VPS35L: variants seen among roughly 807,000 people sequenced by gnomAD.
VPS35L encodes the protein VPS35 endosomal protein-sorting factor-like.
In VPS35L, 83 loss-of-function variants were observed where a neutral mutation model predicts 133.0. The observed-to-expected ratio is 0.62, with a 90% CI of 0.52 to 0.75. VPS35L has a LOEUF of 0.75. Ranked by LOEUF, VPS35L falls within the 30% of genes least tolerant of loss-of-function variation. The probability of loss-of-function intolerance (pLI) is 0.00; values close to 1 mark genes in which losing one functional copy is unlikely to be tolerated. For missense variants in VPS35L, 1,083 were observed against 1,206.8 expected (o/e 0.90, Z 1.52); for synonymous variants, 423 against 449.9 (o/e 0.94, Z 0.76).
chr16:19,692,821 C>T (rs1444526245), intron 29 of VPS35L, among the ~76,000 whole-genome samples: 1 of 152,184 alleles, frequency 6.6e-6, no homozygotes, highest in African/African-American at 2.4e-5. Context: ...CCTCAGCCTC[C>T]CAAAGTGCTG....
In VPS35L at chr16:19,623,758, C is replaced by CTTAT. The variant is rs1216184584; in HGVS notation, c.1225-2409_1225-2406dup. On this transcript the variant is annotated intron_variant, in intron 14 of 30. Transcript: ENST00000417362. ...TTTTTTCTTTATTTTTTACTTTTTA[C>CTTAT]TTATTTATTTATTATTATTATTATT... 2.7e-3 allele frequency among the ~76,000 whole-genome samples: 384 copies of CTTAT among 140,226 alleles called. 1 individual carries two copies. The highest frequency in any genetic ancestry group is 4.9e-3 in the Non-Finnish European group (321 of 65,710). 92.0% of individuals were successfully genotyped at this position (140,226 alleles called of 152,430 possible). A position where few individuals can be genotyped will look rare whatever the true frequency, so the allele number is the denominator to read the frequency against.
intron 1 of VPS35L, 143 bp downstream of exon 1, chr16:19,555,889 C>A (rs2285663): frequency 0.099 from 122,042 of 1,230,800 alleles, 10,287 homozygotes; most frequent in East Asian, 0.38. Flanking sequence ...ACCGTAGAAT[C>A]CCTGGCCGCT....
intron 15 of VPS35L, among the ~76,000 whole-genome samples, chr16:19,627,296 A>G (rs983502299): frequency 1.2e-4 from 18 of 151,974 alleles, no homozygotes; most frequent in African/African-American, 3.4e-4. Context: ...AAAAAAAACA[A>G]AAAAACCAAA....
At position 19,671,418 on chromosome 16, in the gene VPS35L, G is replaced by A. The variant is rs955258847; in HGVS notation, c.2361+2119G>A. On this transcript the variant is annotated intron_variant, in intron 27 of 30. Transcript: ENST00000417362. The stretch of plus-strand genomic sequence containing the variant: ...CAGGAGGCGGAGGTTGCAGTGAGCC[G>A]AGATTGCACCACCGCACTCCAGCCT... Among the ~76,000 whole-genome samples the A allele has an allele frequency of 5.4e-5, 8 of 148,882 alleles. No homozygotes were observed. The South Asian group carries it at 8.5e-4, about 16-fold the overall frequency.
chr16:19,603,288 T>TTGTCCAGTACAGCAGCCAC (rs1158129740), intron 9 of VPS35L, among the ~76,000 whole-genome samples: 8 of 151,788 alleles, frequency 5.3e-5, no homozygotes, highest in South Asian at 2.1e-4. Context: ...TGCATCTACA[T>TTGTCCAGTACAGCAGCCAC]TGTCCAGTAC....
At chr16:19,610,033 A>G (rs1319148950) in intron 11 of VPS35L, among the ~76,000 whole-genome samples, 2 of 152,172 alleles carry the variant, frequency 1.3e-5, no homozygotes. Context: ...AAAACTGTTA[A>G]AATTAATAAA....
intron 14 of VPS35L, among the ~76,000 whole-genome samples, chr16:19,624,903 C>G (rs1973213189): frequency 6.6e-6 from 1 of 152,224 alleles, no homozygotes; most frequent in Non-Finnish European, 1.5e-5. Flanking sequence ...AGCCCGAAAC[C>G]TGGGCAGTGC....
At chr16:19,667,494 G>A (rs1257286432) in intron 26 of VPS35L, among the ~76,000 whole-genome samples, 2 of 152,252 alleles carry the variant, frequency 1.3e-5, no homozygotes, top group East Asian at 3.9e-4. Context: ...AGAACTTTAG[G>A]AGGCCGAGTC....
At chr16:19,560,115 T>TA (rs1372834130) in intron 1 of VPS35L, among the ~76,000 whole-genome samples, 1 of 152,236 alleles carries the variant, frequency 6.6e-6, no homozygotes, top group Non-Finnish European at 1.5e-5. Flanking sequence ...CAACATGACT[T>TA]ATAGATAATC....
rs111325158 is a variant in VPS35L, at chr16:19,608,615, G to A, written c.881+341G>A. The A allele has an allele frequency of 5.8e-4, 223 of 386,734 alleles. 2 individuals carry two copies. Among genetic ancestry groups the A allele is most frequent in the African/African-American group, 4.0e-3 (200 of 49,468 alleles). The allele number at this position is 386,734 out of a possible 1,614,324, so 24.0% of individuals were successfully genotyped here. Reference sequence around the variant, plus strand: ...GAAAGAACAGGGTCAAGCTTTGCAGGGCAAATGCTACTATTGAAGAACAGA... The same window carrying A: ...GAAAGAACAGGGTCAAGCTTTGCAGAGCAAATGCTACTATTGAAGAACAGA... On this transcript the variant is annotated intron_variant, in intron 10 of 30. Transcript: ENST00000417362.
At chr16:19,629,634 G>T in intron 17 of VPS35L, 133 bp from the exon 18 acceptor site, 2 of 658,430 alleles carry the variant, frequency 3.0e-6, no homozygotes, top group Non-Finnish European at 5.3e-6. Context: ...TAAAAGATCA[G>T]CCTTTAAGCC....
chr16:19,673,564 C>G (rs113738360), intron 27 of VPS35L, among the ~76,000 whole-genome samples: 1,780 of 95,704 alleles, frequency 0.019, 32 homozygotes, highest in African/African-American at 0.05. Flanking sequence ...ATTCCTTGAA[C>G]AGATTTATTA....
chr16:19,656,253 G>A (rs1241334032), intron 26 of VPS35L, among the ~76,000 whole-genome samples: 2 of 128,632 alleles, frequency 1.6e-5, no homozygotes, highest in Admixed American at 1.7e-4. Context: ...AACAAAGCGA[G>A]ACTCTGTCTC....
intron 26 of VPS35L, among the ~76,000 whole-genome samples, chr16:19,660,424 G>T (rs1974446270): frequency 6.6e-6 from 1 of 152,162 alleles, no homozygotes; most frequent in Admixed American, 6.6e-5. Context: ...AGTTACCTAG[G>T]AGGGTAGTTG....
chr16:19,567,736 A>G (rs1971231696), intron 2 of VPS35L, among the ~76,000 whole-genome samples: 1 of 152,136 alleles, frequency 6.6e-6, no homozygotes, highest in Non-Finnish European at 1.5e-5. Context: ...TTGGGATGCT[A>G]GATGAGAAGA....
chr16:19,560,135 A>G (rs1397202483), intron 1 of VPS35L, among the ~76,000 whole-genome samples: 1 of 152,252 alleles, frequency 6.6e-6, no homozygotes, highest in Non-Finnish European at 1.5e-5. Flanking sequence ...CTATGGAACT[A>G]CTGAATCTGA....
chr16:19,649,617 G>A (rs953030576), intron 24 of VPS35L, among the ~76,000 whole-genome samples: 3 of 152,130 alleles, frequency 2.0e-5, no homozygotes, highest in Admixed American at 6.5e-5. Flanking sequence ...CCTAAAAAAC[G>A]GTGGCGCCCC....
At chr16:19,564,563 G>A (rs113451309) in intron 1 of VPS35L, among the ~76,000 whole-genome samples, 5 of 151,862 alleles carry the variant, frequency 3.3e-5, no homozygotes, top group South Asian at 2.1e-4. Flanking sequence ...CATACCCACC[G>A]AATTTTTGTA....
At chr16:19,556,430 G>C (rs921709689) in intron 1 of VPS35L, among the ~76,000 whole-genome samples, 2 of 152,182 alleles carry the variant, frequency 1.3e-5, no homozygotes, top group Non-Finnish European at 2.9e-5. Context: ...GCGTGTGCCT[G>C]GTTGGCAGGC....
Sources: allele counts gnomAD v4.1 joint callset (sites outside exome capture counted in the v4.1 genomes callset), GRCh38; gene constraint gnomAD v4.1.1; transcripts MANE v1.5; gene names NCBI Gene and HGNC (gene_info 2026-07-23, HGNC 2026-07-21).